Variants in UQCC1 observed in about 807,000 individuals in gnomAD.
UQCC1 encodes ubiquinol-cytochrome c reductase complex assembly factor 1, also known as bFGF-repressed Zic-binding protein.
In UQCC1, 38 loss-of-function variants were observed where a neutral mutation model predicts 48.0. The ratio of observed to expected loss-of-function variants is 0.79; its 90% CI spans 0.61 to 1.04. UQCC1 has a LOEUF of 1.04. Ranked by LOEUF, UQCC1 falls within the 50% of genes least tolerant of loss-of-function variation. The probability of loss-of-function intolerance (pLI) is 0.00; values close to 1 mark genes in which losing one functional copy is unlikely to be tolerated. For synonymous variants in UQCC1, 111 were observed against 129.2 expected (o/e 0.86, Z 0.95); for missense variants, 368 against 381.8 (o/e 0.96, Z 0.30).
intron 7 of UQCC1, among the ~76,000 whole-genome samples, chr20:35,317,139 T>C (rs1419844937): frequency 6.6e-6 from 1 of 151,470 alleles, no homozygotes; most frequent in African/African-American, 2.4e-5. Context: ...GGTTTCACCA[T>C]GTTGGCCAGG....
At chr20:35,348,396 G>A (rs958212595) in intron 6 of UQCC1, among the ~76,000 whole-genome samples, 5 of 151,498 alleles carry the variant, frequency 3.3e-5, no homozygotes, top group African/African-American at 7.3e-5. Context: ...GTTTTGTTTT[G>A]TTTTGTTTTT....
intron 7 of UQCC1, among the ~76,000 whole-genome samples, chr20:35,319,423 A>G (rs550933864): frequency 6.6e-6 from 1 of 152,354 alleles, no homozygotes; most frequent in Admixed American, 6.5e-5. Context: ...AACACACTCA[A>G]TAAATTATCC....
At chr20:35,337,323 G>C (rs957560906) in intron 7 of UQCC1, among the ~76,000 whole-genome samples, 1 of 152,050 alleles carries the variant, frequency 6.6e-6, no homozygotes, top group African/African-American at 2.4e-5. Flanking sequence ...CAAGTAGCTG[G>C]GACTACAGGT....
At chr20:35,385,971 G>A (rs867646757) in intron 2 of UQCC1, among the ~76,000 whole-genome samples, 1 of 151,662 alleles carries the variant, frequency 6.6e-6, no homozygotes. Context: ...TACCAGAGTG[G>A]TGCATTTGAT....
In UQCC1 at chr20:35,399,150, C is replaced by A. The variant is rs375363999; in HGVS notation, c.25-4954G>T. ...TCACAGGAGTGTTCCCAGGAACATT[C>A]CTAAAAGCACTTTGATAACAGAAAA... On this transcript the variant is annotated intron_variant, in intron 1 of 9. Transcript: ENST00000374385. Among the ~76,000 whole-genome samples, 21 of 152,242 alleles carry A rather than the reference C, an allele frequency of 1.4e-4. No homozygotes were observed. The East Asian group carries it at 4.0e-3, about 29-fold the overall frequency.
At chr20:35,343,916 G>A (rs1200340387) in intron 7 of UQCC1, among the ~76,000 whole-genome samples, 1 of 151,978 alleles carries the variant, frequency 6.6e-6, no homozygotes, top group African/African-American at 2.4e-5. Flanking sequence ...GAGAAACGCT[G>A]ATCTAAAACA....
At chr20:35,309,960 C>T (rs1323651813) in intron 8 of UQCC1, among the ~76,000 whole-genome samples, 3 of 152,208 alleles carry the variant, frequency 2.0e-5, no homozygotes, top group African/African-American at 7.2e-5. Context: ...TGCCAAGCTG[C>T]ACAGTGAGAC....
At chr20:35,374,746 C>G (rs968679812) in intron 4 of UQCC1, among the ~76,000 whole-genome samples, 1 of 152,014 alleles carries the variant, frequency 6.6e-6, no homozygotes, top group Admixed American at 6.6e-5. Context: ...TTTTCCAGAT[C>G]TTTAATTTTA....
chr20:35,407,075 T>TTCAAAAGAAA (rs1259362860), intron 1 of UQCC1, among the ~76,000 whole-genome samples: 1 of 152,084 alleles, frequency 6.6e-6, no homozygotes, highest in African/African-American at 2.4e-5. Context: ...AAAGAAAACT[T>TTCAAAAGAAA]ACGGGAATGG....
At chr20:35,325,874 C>T (rs749413176) in intron 7 of UQCC1, among the ~76,000 whole-genome samples, 3 of 150,706 alleles carry the variant, frequency 2.0e-5, no homozygotes, top group Non-Finnish European at 4.4e-5. Flanking sequence ...AAAAAACACA[C>T]ACAAAAAAAA....
chr20:35,382,757 G>A lies in UQCC1; in HGVS notation c.226-732C>T, dbSNP rs186012264. 3.7e-3 allele frequency among the ~76,000 whole-genome samples: 563 copies of A among 151,770 alleles called. 1 individual carries two copies. The highest frequency in any genetic ancestry group is 6.7e-3 in the Non-Finnish European group (457 of 67,928). ...GATCTCCTGACCGCATGATCTGCCCGCCTCGGCCTCCCAAAGTGCTGGGAT... is the reference window on the plus strand; with the variant it reads ...GATCTCCTGACCGCATGATCTGCCCACCTCGGCCTCCCAAAGTGCTGGGAT... On this transcript the variant is annotated intron_variant, in intron 3 of 9. Coordinates refer to ENST00000374385, the MANE Select transcript of UQCC1 (RefSeq NM_018244.5).
chr20:35,323,331 G>T (rs2061153411), intron 7 of UQCC1, among the ~76,000 whole-genome samples: 1 of 152,066 alleles, frequency 6.6e-6, no homozygotes, highest in South Asian at 2.1e-4. Flanking sequence ...ATTCGACAAG[G>T]TCAAATGCAC....
At chr20:35,309,962 C>T (rs760572918) in intron 8 of UQCC1, among the ~76,000 whole-genome samples, 1 of 152,232 alleles carries the variant, frequency 6.6e-6, no homozygotes, top group African/African-American at 2.4e-5. Flanking sequence ...CCAAGCTGCA[C>T]AGTGAGACTC....
chr20:35,304,669 CT>C (rs1289589083), intron 9 of UQCC1: 1 of 154,062 alleles, frequency 6.5e-6, no homozygotes, highest in Non-Finnish European at 1.4e-5. Context: ...TAGTGGGCCC[CT>C]GGTCAGTGGG....
intron 3 of UQCC1, 50 bp downstream of exon 3, chr20:35,383,988 C>T (rs765045238): frequency 1.5e-5 from 23 of 1,523,302 alleles, no homozygotes; most frequent in Non-Finnish European, 2.1e-5. Context: ...ATCCAAAGAA[C>T]ACCTGTGTGA....
chr20:35,378,605 G>A (rs2146473347), intron 4 of UQCC1, among the ~76,000 whole-genome samples: 1 of 152,282 alleles, frequency 6.6e-6, no homozygotes. Context: ...ACTCCAGCCT[G>A]GGCGACAGAG....
chr20:35,364,642 C>T (rs2061645317), intron 6 of UQCC1, among the ~76,000 whole-genome samples: 1 of 152,180 alleles, frequency 6.6e-6, no homozygotes, highest in African/African-American at 2.4e-5. Context: ...TTGAAGCAGA[C>T]AGCTTCCCTC....
intron 6 of UQCC1, among the ~76,000 whole-genome samples, chr20:35,350,641 C>T (rs755470388): frequency 2.0e-5 from 3 of 152,078 alleles, no homozygotes; most frequent in Non-Finnish European, 4.4e-5. Flanking sequence ...GGTTGCAGTG[C>T]CAAGATCGCA....
At chr20:35,377,522 C>T (rs1012606791) in intron 4 of UQCC1, among the ~76,000 whole-genome samples, 1 of 152,194 alleles carries the variant, frequency 6.6e-6, no homozygotes, top group Non-Finnish European at 1.5e-5. Context: ...CAATAATTCA[C>T]TGAGTACATA....
Sources: allele counts gnomAD v4.1 joint callset (sites outside exome capture counted in the v4.1 genomes callset), GRCh38; gene constraint gnomAD v4.1.1; transcripts MANE v1.5; gene names NCBI Gene and HGNC (gene_info 2026-07-23, HGNC 2026-07-21).